Variants in ADGRL3 observed in about 807,000 individuals in gnomAD.
ADGRL3 encodes the protein calcium-independent alpha-latrotoxin receptor 3.
In ADGRL3, 62 loss-of-function variants were observed where a neutral mutation model predicts 153.5. The ratio of observed to expected loss-of-function variants is 0.40; its 90% CI spans 0.33 to 0.50. ADGRL3 has a LOEUF of 0.50. Among genes scored for constraint, ADGRL3 ranks in the 20% least tolerant of loss-of-function variants. The probability of loss-of-function intolerance (pLI) is 0.47; values close to 1 mark genes in which losing one functional copy is unlikely to be tolerated. For synonymous variants in ADGRL3, 710 were observed against 672.5 expected, an observed-to-expected ratio of 1.06 and a Z score of -0.86; for missense variants, 1,641 against 1,859.4, an observed-to-expected ratio of 0.88 and a Z score of 2.16.
intron 4 of ADGRL3, among the ~76,000 whole-genome samples, chr4:61,572,927 G>A (rs1361712214): frequency 6.6e-6 from 1 of 151,834 alleles, no homozygotes; most frequent in Admixed American, 6.6e-5. Context: ...AGTTCCCAAG[G>A]ATCTTTATGT....
Position 61,200,447 on chromosome 4 carries a change from G to A in ADGRL3, c.-1558G>A, listed in dbSNP as rs1404226829. Among the ~76,000 whole-genome samples, 1 of 151,714 alleles carries A rather than the reference G, an allele frequency of 6.6e-6. No individual in the cohort carries two copies. The highest frequency in any genetic ancestry group is 2.0e-4 in the East Asian group (1 of 5,042). On this transcript the variant is annotated 5_prime_UTR_variant, in exon 1 of 27. Transcript: ENST00000683033. ...CCCCCTCGCCTGCTGGCCCGGCACC[G>A]CTCGCTCCAGTTCCCAGGAGCGGGG...
chr4:61,208,177 A>C (rs917035469), intron 1 of ADGRL3, among the ~76,000 whole-genome samples: 2 of 152,168 alleles, frequency 1.3e-5, no homozygotes, highest in African/African-American at 4.8e-5. Context: ...GCCCTAGATC[A>C]AGATATTTTG....
At chr4:61,247,970 A>T (rs1757755524) in intron 1 of ADGRL3, among the ~76,000 whole-genome samples, 1 of 152,086 alleles carries the variant, frequency 6.6e-6, no homozygotes, top group Non-Finnish European at 1.5e-5. Flanking sequence ...ACTTTGAAGA[A>T]ATGCAAAACC....
At chr4:61,279,625 A>C (rs2093633763) in intron 1 of ADGRL3, among the ~76,000 whole-genome samples, 1 of 152,150 alleles carries the variant, frequency 6.6e-6, no homozygotes, top group South Asian at 2.1e-4. Context: ...GATACAATCC[A>C]ATGTGGCTGG....
intron 1 of ADGRL3, among the ~76,000 whole-genome samples, chr4:61,313,124 C>T (rs1373388797): frequency 6.6e-6 from 1 of 152,116 alleles, no homozygotes; most frequent in Admixed American, 6.5e-5. Context: ...GTGAATCTTA[C>T]ATTGCTTAGT....
At chr4:61,541,631 C>T (rs1365317581) in intron 4 of ADGRL3, among the ~76,000 whole-genome samples, 2 of 152,030 alleles carry the variant, frequency 1.3e-5, no homozygotes, top group Admixed American at 6.6e-5. Context: ...AATAGGAGCT[C>T]TATTCAGCTT....
chr4:61,443,112 G>T (rs1283579660), intron 2 of ADGRL3, among the ~76,000 whole-genome samples: 1 of 152,134 alleles, frequency 6.6e-6, no homozygotes, highest in Non-Finnish European at 1.5e-5. Context: ...CAAATTCAGT[G>T]AGTTTTATAT....
intron 11 of ADGRL3, among the ~76,000 whole-genome samples, chr4:61,904,265 TG>T (rs917220263): frequency 4.6e-5 from 7 of 151,988 alleles, no homozygotes; most frequent in African/African-American, 1.7e-4. Flanking sequence ...TTTTACTTTC[TG>T]GTTTATAAAA....
intron 17 of ADGRL3, among the ~76,000 whole-genome samples, chr4:61,949,558 G>A (rs779133213): frequency 5.9e-5 from 9 of 152,068 alleles, no homozygotes; most frequent in African/African-American, 1.2e-4. Flanking sequence ...TTAGCTGAGC[G>A]TTGGTGCATG....
In ADGRL3 at chr4:61,280,302, T is replaced by C. The variant is rs936864586; in HGVS notation, c.-240+78537T>C. ...TTTTTGTATTTTTAGTAGAGACGGG[T>C]TTCACCATATTGGCCAGGATGGTCT... On this transcript the variant is annotated intron_variant, in intron 1 of 26. Coordinates refer to ENST00000683033, the MANE Select transcript of ADGRL3 (RefSeq NM_001387552.1). 3.3e-5 allele frequency among the ~76,000 whole-genome samples: 5 copies of C among 151,756 alleles called. No homozygotes were observed. The South Asian group carries it at 8.3e-4, about 25-fold the overall frequency.
intron 2 of ADGRL3, among the ~76,000 whole-genome samples, chr4:61,399,358 C>T (rs529116111): frequency 5.9e-5 from 9 of 151,472 alleles, no homozygotes; most frequent in East Asian, 1.9e-4. Flanking sequence ...TGAAAGTTTA[C>T]GTTAAGATAC....
rs72638574 is a variant in ADGRL3 at position 61,786,598 on chromosome 4, C to T, written c.1400-27211C>T. ...TTAGCCATCGGAGTATTACACTTCC[C>T]ATAGTTTTTGTTTGTTTTTATTTTT... On this transcript the variant is annotated intron_variant, in intron 8 of 26. Coordinates refer to ENST00000683033, the MANE Select transcript of ADGRL3 (RefSeq NM_001387552.1). 2.8e-3 allele frequency among the ~76,000 whole-genome samples: 427 copies of T among 152,260 alleles called. 2 individuals carry two copies. Among genetic ancestry groups the T allele is most frequent in the Middle Eastern group, 6.8e-3 (2 of 294 alleles).
chr4:61,585,812 C>A (rs1181703998), intron 4 of ADGRL3, among the ~76,000 whole-genome samples: 1 of 151,954 alleles, frequency 6.6e-6, no homozygotes, highest in African/African-American at 2.4e-5. Context: ...AAAGGCAGAC[C>A]TTTCCTGTAT....
At chr4:61,339,367 G>A (rs1173605754) in intron 1 of ADGRL3, among the ~76,000 whole-genome samples, 2 of 152,060 alleles carry the variant, frequency 1.3e-5, no homozygotes, top group African/African-American at 2.4e-5. Flanking sequence ...GTTTTATTTT[G>A]ATAATTGTTA....
At chr4:62,023,988 C>A (rs999026583) in intron 21 of ADGRL3, among the ~76,000 whole-genome samples, 5 of 152,052 alleles carry the variant, frequency 3.3e-5, no homozygotes, top group African/African-American at 1.2e-4. Context: ...AAATGAAGTA[C>A]AACTTAATAC....
At chr4:61,539,310 A>G (rs1019386671) in intron 4 of ADGRL3, among the ~76,000 whole-genome samples, 1 of 152,176 alleles carries the variant, frequency 6.6e-6, no homozygotes, top group East Asian at 1.9e-4. Context: ...TGTCTGTAAC[A>G]GTGGGTTGGG....
At chr4:61,485,334 CTT>C (rs1228278519) in intron 2 of ADGRL3, among the ~76,000 whole-genome samples, 1 of 152,098 alleles carries the variant, frequency 6.6e-6, no homozygotes, top group Non-Finnish European at 1.5e-5. Flanking sequence ...CAATTTAAGA[CTT>C]ATTATACAGA....
At chr4:61,516,649 A>G (rs1364307008) in intron 3 of ADGRL3, among the ~76,000 whole-genome samples, 2 of 152,052 alleles carry the variant, frequency 1.3e-5, no homozygotes, top group Non-Finnish European at 2.9e-5. Context: ...AATATGTACC[A>G]TTTGTCAGTA....
At chr4:61,675,919 G>C (rs978233912) in intron 5 of ADGRL3, among the ~76,000 whole-genome samples, 2 of 151,408 alleles carry the variant, frequency 1.3e-5, no homozygotes, top group Non-Finnish European at 3.0e-5. Context: ...AACCATTCTT[G>C]TACCCAGGAA....
Sources: allele counts gnomAD v4.1 joint callset (sites outside exome capture counted in the v4.1 genomes callset), GRCh38; gene constraint gnomAD v4.1.1; transcripts MANE v1.5; gene names NCBI Gene and HGNC (gene_info 2026-07-23, HGNC 2026-07-21).